SPHKAP: variants seen among roughly 807,000 people sequenced by gnomAD.
The protein encoded by SPHKAP is SPHK1 interactor, AKAP domain containing.
A neutral mutation model predicts 137.5 loss-of-function variants in SPHKAP; 67 were observed. The observed-to-expected ratio is 0.49, with a 90% CI of 0.40 to 0.60. The LOEUF is 0.60. SPHKAP is among the 20% of genes least tolerant of loss of function. The probability of loss-of-function intolerance (pLI) is 0.00; values close to 1 mark genes in which losing one functional copy is unlikely to be tolerated. For synonymous variants in SPHKAP, 813 were observed against 785.3 expected (o/e 1.04, Z -0.59); for missense variants, 2,097 against 2,069.3 (o/e 1.01, Z -0.26).
rs536460251 is a variant in SPHKAP at position 228,092,223 on chromosome 2, A to ATATACACACATG, written c.246+16597_246+16608dup. The stretch of plus-strand genomic sequence containing the variant: ...TGCATACACACATATATACACACAT[A>ATATACACACATG]TATACACACATGTATACACACGTGT... On this transcript the variant is annotated intron_variant, in intron 3 of 11. Coordinates refer to ENST00000392056, the MANE Select transcript of SPHKAP (RefSeq NM_001142644.2). Among the ~76,000 whole-genome samples the ATATACACACATG allele has an allele frequency of 2.3e-3, 341 of 147,556 alleles. 6 individuals are homozygous for ATATACACACATG. The highest frequency in any genetic ancestry group is 7.5e-3 in the African/African-American group (302 of 40,382).
intron 3 of SPHKAP, chr2:228,027,897 C>T (rs1369572582): frequency 1.8e-4 from 91 of 495,826 alleles, no homozygotes; most frequent in Middle Eastern, 1.0e-3. Flanking sequence ...ACCCAGGAGG[C>T]GGAGGTTGCA....
intron 3 of SPHKAP, among the ~76,000 whole-genome samples, chr2:228,064,478 T>G (rs1468885250): frequency 6.6e-6 from 1 of 152,242 alleles, no homozygotes; most frequent in Non-Finnish European, 1.5e-5. Context: ...ATTTTCAGTA[T>G]CACACATGTT....
chr2:228,019,574 G>T lies in SPHKAP; in HGVS notation c.1280C>A (p.Ser427Tyr). 6.2e-7 allele frequency: 1 copy of T among 1,614,138 alleles called. No homozygotes were observed. The highest frequency in any genetic ancestry group is 1.1e-5 in the South Asian group (1 of 91,084). Residue 427 changes from serine to tyrosine, a missense_variant, in exon 7 of 12, where the codon TCT becomes TAT. Ser to Tyr is a moderately radical substitution (Grantham distance 144, BLOSUM62 -2). Coordinates refer to ENST00000392056, the MANE Select transcript of SPHKAP (RefSeq NM_001142644.2). ...ESAVSVSVGS[S>Y]LLPSCYSTKD... ...TGTGGAATAGCAACTGGGAAGCAGA[G>T]AACTTCCTACAGAAACACTGACTGC...
At chr2:228,146,916 A>G (rs966407026) in intron 1 of SPHKAP, among the ~76,000 whole-genome samples, 2 of 152,244 alleles carry the variant, frequency 1.3e-5, no homozygotes, top group Non-Finnish European at 2.9e-5. Flanking sequence ...GACAATATCT[A>G]TAAAAATAAA....
In SPHKAP at chr2:228,181,609, C is replaced by A. The variant is rs1201587036; in HGVS notation, c.-11G>T. On this transcript the variant is annotated 5_prime_UTR_variant, in exon 1 of 12. Coordinates refer to ENST00000392056, the MANE Select transcript of SPHKAP (RefSeq NM_001142644.2). This position sits in a 1 kb window ranked among gnomAD's most constrained non-coding sequence, Gnocchi z 4.3. ...GGAGTTGCCATCCATTGTTGGTGGGCGCCCAGAGAAGAAAGACGGAAAGTG... is the reference window on the plus strand; with the variant it reads ...GGAGTTGCCATCCATTGTTGGTGGGAGCCCAGAGAAGAAAGACGGAAAGTG... 1 of 1,614,066 alleles carries A rather than the reference C, an allele frequency of 6.2e-7. No individual in the cohort carries two copies. The highest frequency in any genetic ancestry group is 1.1e-5 in the South Asian group (1 of 91,074).
At position 227,995,652 on chromosome 2, in the gene SPHKAP, G is replaced by T. The variant is rs750477229; in HGVS notation, c.4491C>A (p.Ser1497=). The change falls in exon 8 of 12, where the codon TCC becomes TCA. Residue 1497 remains serine (S), a synonymous_variant. Coordinates refer to ENST00000392056, the MANE Select transcript of SPHKAP (RefSeq NM_001142644.2). Reference sequence around the variant, plus strand: ...CCTCATCGGGGGCTCTGGCTTCTGTGGAGGCTTCAGCCTCTGGTACATCTC... The same window carrying T: ...CCTCATCGGGGGCTCTGGCTTCTGTTGAGGCTTCAGCCTCTGGTACATCTC... ...DTRDVPEAEA[S]TEARAPDEAP... is the part of the protein sequence containing the mutation. 3 of 1,612,344 alleles carry T rather than the reference G, an allele frequency of 1.9e-6. No individual in the cohort carries two copies. The highest frequency in any genetic ancestry group is 2.2e-5 in the South Asian group (2 of 90,910).
chr2:228,134,250 A>G (rs2106378503), intron 1 of SPHKAP, among the ~76,000 whole-genome samples: 1 of 151,532 alleles, frequency 6.6e-6, no homozygotes, highest in South Asian at 2.1e-4. Flanking sequence ...GGAAGGAAGG[A>G]AGGAAGGAAA....
intron 3 of SPHKAP, among the ~76,000 whole-genome samples, chr2:228,056,776 C>G (rs1696463069): frequency 6.6e-6 from 1 of 152,106 alleles, no homozygotes; most frequent in African/African-American, 2.4e-5. Flanking sequence ...TACTTTTATA[C>G]TCTTTGCAGC....
chr2:227,985,552 G>A (rs185726126), intron 11 of SPHKAP, among the ~76,000 whole-genome samples: 3 of 152,114 alleles, frequency 2.0e-5, no homozygotes, highest in South Asian at 2.1e-4. Context: ...TTTTCTTTCC[G>A]CTGCATTGAA....
chr2:228,139,630 T>G (rs1381596587), intron 1 of SPHKAP, among the ~76,000 whole-genome samples: 1 of 152,196 alleles, frequency 6.6e-6, no homozygotes, highest in Admixed American at 6.5e-5. Context: ...AGACCCCAAC[T>G]ATAATCCTTC....
At chr2:228,001,241 A>G (rs1693849143) in intron 7 of SPHKAP, among the ~76,000 whole-genome samples, 1 of 128,526 alleles carries the variant, frequency 7.8e-6, no homozygotes, top group African/African-American at 2.9e-5. Flanking sequence ...ATATATATAT[A>G]TATATATACA....
At chr2:228,048,058 G>A (rs1696126939) in intron 3 of SPHKAP, among the ~76,000 whole-genome samples, 1 of 152,110 alleles carries the variant, frequency 6.6e-6, no homozygotes, top group Non-Finnish European at 1.5e-5. Context: ...TACTTCTAAA[G>A]ACAACGAGGA....
chr2:228,064,240 C>T (rs1696751917), intron 3 of SPHKAP, among the ~76,000 whole-genome samples: 1 of 152,122 alleles, frequency 6.6e-6, no homozygotes, highest in Non-Finnish European at 1.5e-5. Flanking sequence ...CCAGCTGTTT[C>T]CTTAATGGAA....
At chr2:228,162,792 G>T (rs987736561) in intron 1 of SPHKAP, among the ~76,000 whole-genome samples, 2 of 152,028 alleles carry the variant, frequency 1.3e-5, no homozygotes, top group Admixed American at 1.3e-4. Flanking sequence ...TCCGCCTCCC[G>T]GGTTCAGGTG....
At chr2:228,027,197 T>A (rs1695075793) in intron 4 of SPHKAP, among the ~76,000 whole-genome samples, 1 of 152,170 alleles carries the variant, frequency 6.6e-6, no homozygotes, top group African/African-American at 2.4e-5. Context: ...TCAGCAGGTT[T>A]TGGAAAATTC....
At chr2:228,139,010 A>G (rs1040232690) in intron 1 of SPHKAP, among the ~76,000 whole-genome samples, 7 of 152,148 alleles carry the variant, frequency 4.6e-5, no homozygotes, top group Non-Finnish European at 1.0e-4. Flanking sequence ...GAAAATATAA[A>G]CAGGTCATTC....
At chr2:228,078,167 G>A (rs1464006561) in intron 3 of SPHKAP, among the ~76,000 whole-genome samples, 1 of 152,106 alleles carries the variant, frequency 6.6e-6, no homozygotes, top group Non-Finnish European at 1.5e-5. Flanking sequence ...TGTATCAGCA[G>A]CATGAAAATG....
chr2:228,111,327 T>A (rs983837060), intron 2 of SPHKAP, among the ~76,000 whole-genome samples: 1 of 152,096 alleles, frequency 6.6e-6, no homozygotes, highest in Non-Finnish European at 1.5e-5. Flanking sequence ...GTACTACTCA[T>A]CTGGTGGGAT....
chr2:228,066,031 T>A (rs1696817781), intron 3 of SPHKAP, among the ~76,000 whole-genome samples: 1 of 152,194 alleles, frequency 6.6e-6, no homozygotes, highest in Non-Finnish European at 1.5e-5. Flanking sequence ...AATGGCATCC[T>A]TTATTCTGGG....
Sources: gnomAD v4.1 joint callset for allele counts (sites outside exome capture counted in the v4.1 genomes callset) on GRCh38, gnomAD v4.1.1 for gene constraint, Gnocchi (gnomAD v3.1) non-coding constraint, MANE v1.5 for transcripts, NCBI Gene and HGNC (gene_info 2026-07-23, HGNC 2026-07-21) for gene names.